SUGCT: variants seen among roughly 807,000 people sequenced by gnomAD.
SUGCT encodes the protein succinyl-CoA:glutarate CoA-transferase.
A neutral mutation model predicts 55.0 loss-of-function variants in SUGCT; 41 were observed. The observed-to-expected ratio is 0.74, with a 90% CI of 0.58 to 0.97. The LOEUF (loss-of-function observed/expected upper bound fraction) is 0.97, where lower values mean the gene tolerates loss of function less well. Ranked by LOEUF, SUGCT falls within the 50% of genes least tolerant of loss-of-function variation. SUGCT has a pLI of 0.00. For synonymous variants in SUGCT, 187 were observed against 200.4 expected, an observed-to-expected ratio of 0.93 and a Z score of 0.56; for missense variants, 568 against 547.8, an observed-to-expected ratio of 1.04 and a Z score of -0.37.
chr7:40,884,627 C>T, the SUGCT span, among the ~76,000 whole-genome samples: 532 of 152,274 alleles, frequency 3.5e-3, 1 homozygote, highest in African/African-American at 0.013. Context: ...GTCACAATGA[C>T]CTGCTGAGAA....
In SUGCT at chr7:40,857,323, C is replaced by T. The variant is rs552638098; in HGVS notation, c.1154-2993C>T. Among the ~76,000 whole-genome samples, 62 of 152,196 alleles carry T rather than the reference C, an allele frequency of 4.1e-4. 1 individual carries two copies. The South Asian group carries it at 0.01, about 25-fold the overall frequency. On this transcript the variant is annotated intron_variant, in intron 13 of 13. Coordinates refer to ENST00000335693, the MANE Select transcript of SUGCT (RefSeq NM_001193313.2). The stretch of plus-strand genomic sequence containing the variant: ...GATGTCCCTGCTATTATTATTATTG[C>T]ACAGGGTTGCAAGAACAGATTTCAA...
chr7:40,581,710 A>G (rs568560716), intron 12 of SUGCT, among the ~76,000 whole-genome samples: 5 of 152,336 alleles, frequency 3.3e-5, no homozygotes, highest in Admixed American at 3.3e-4. Context: ...AGGAACACCC[A>G]TAGGCTAGAA....
the SUGCT span, chr7:40,979,746 T>C: frequency 1.3e-5 from 2 of 152,148 alleles, no homozygotes; most frequent in Admixed American, 6.6e-5. Flanking sequence ...ATCAAGTCAC[T>C]TTTTTTCTTA....
chr7:40,402,069 A>T (rs1267368750), intron 9 of SUGCT, among the ~76,000 whole-genome samples: 4 of 152,162 alleles, frequency 2.6e-5, no homozygotes, highest in Non-Finnish European at 5.9e-5. Flanking sequence ...TTGAGCGTTT[A>T]TGTGCCAGGT....
intron 12 of SUGCT, among the ~76,000 whole-genome samples, chr7:40,623,217 G>A (rs936084274): frequency 6.6e-6 from 1 of 152,178 alleles, no homozygotes; most frequent in Non-Finnish European, 1.5e-5. Flanking sequence ...CTCCATGCCA[G>A]GGACTCCATA....
the SUGCT span, among the ~76,000 whole-genome samples, chr7:40,934,881 C>T: frequency 6.6e-6 from 1 of 152,204 alleles, no homozygotes. Context: ...CCCCTGACCC[C>T]TTGTGCTTCC....
chr7:40,924,990 T>C, the SUGCT span, among the ~76,000 whole-genome samples: 1 of 152,236 alleles, frequency 6.6e-6, no homozygotes, highest in African/African-American at 2.4e-5. Flanking sequence ...GCTATGAAGA[T>C]TCTTGTACAT....
At chr7:40,473,965 T>G (rs1790528384) in intron 11 of SUGCT, among the ~76,000 whole-genome samples, 1 of 150,354 alleles carries the variant, frequency 6.7e-6, no homozygotes, top group Non-Finnish European at 1.5e-5. Flanking sequence ...CCATTTCCCC[T>G]TCTCTCTCTC....
At chr7:40,935,837 G>C in the SUGCT span, among the ~76,000 whole-genome samples, 1 of 152,056 alleles carries the variant, frequency 6.6e-6, no homozygotes, top group Non-Finnish European at 1.5e-5. Context: ...TTCCAAACAG[G>C]CTGTACCATT....
At chr7:40,669,233 C>T (rs1402791409) in intron 12 of SUGCT, among the ~76,000 whole-genome samples, 1 of 151,824 alleles carries the variant, frequency 6.6e-6, no homozygotes. Flanking sequence ...TCTACTCTAA[C>T]CTGCCAGTAC....
the SUGCT span, among the ~76,000 whole-genome samples, chr7:40,944,599 G>A: frequency 4.6e-5 from 7 of 151,488 alleles, no homozygotes; most frequent in East Asian, 1.9e-4. Context: ...GTAGATATGC[G>A]GTGTTATTTC....
intron 9 of SUGCT, among the ~76,000 whole-genome samples, chr7:40,395,021 A>G (rs1785645667): frequency 6.6e-6 from 1 of 152,204 alleles, no homozygotes; most frequent in Non-Finnish European, 1.5e-5. Context: ...TAATTTTTAA[A>G]TGTTGTGAAA....
chr7:40,900,580 C>T, the SUGCT span, among the ~76,000 whole-genome samples: 4 of 152,226 alleles, frequency 2.6e-5, no homozygotes, highest in African/African-American at 9.6e-5. Context: ...TTGTCAAACG[C>T]ATCGTCTGTG....
the SUGCT span, among the ~76,000 whole-genome samples, chr7:41,036,768 A>C: frequency 6.6e-6 from 1 of 152,098 alleles, no homozygotes; most frequent in Non-Finnish European, 1.5e-5. Context: ...GCTGCCACCA[A>C]TCTGTTCAGT....
chr7:40,243,674 A>G (rs1203206236), intron 7 of SUGCT, among the ~76,000 whole-genome samples: 1 of 152,030 alleles, frequency 6.6e-6, no homozygotes, highest in Non-Finnish European at 1.5e-5. Flanking sequence ...TGAGAGTGGC[A>G]GATGTATGAG....
intron 12 of SUGCT, among the ~76,000 whole-genome samples, chr7:40,565,993 G>GCGCA (rs1164773177): frequency 6.5e-5 from 8 of 123,948 alleles, no homozygotes; most frequent in African/African-American, 3.3e-4. Flanking sequence ...ACACACACAC[G>GCGCA]CACACACACA....
chr7:40,899,027 T>C, the SUGCT span, among the ~76,000 whole-genome samples: 1 of 152,090 alleles, frequency 6.6e-6, no homozygotes, highest in Admixed American at 6.6e-5. Context: ...GGCATTGTTA[T>C]TCCTTCTTCC....
At chr7:40,996,734 A>G in the SUGCT span, among the ~76,000 whole-genome samples, 2 of 152,132 alleles carry the variant, frequency 1.3e-5, no homozygotes, top group Admixed American at 1.3e-4. Context: ...TAAATGTTCC[A>G]CCTTCCTTCA....
At chr7:40,636,959 A>G (rs1800047908) in intron 12 of SUGCT, among the ~76,000 whole-genome samples, 1 of 152,184 alleles carries the variant, frequency 6.6e-6, no homozygotes, top group Non-Finnish European at 1.5e-5. Flanking sequence ...AGGAAATATT[A>G]CTAGTGAAAG....
Sources: gnomAD v4.1 joint callset for allele counts (sites outside exome capture counted in the v4.1 genomes callset) on GRCh38, gnomAD v4.1.1 for gene constraint, MANE v1.5 for transcripts, NCBI Gene and HGNC (gene_info 2026-07-23, HGNC 2026-07-21) for gene names.